Variants in ROCK1 observed in about 807,000 individuals in gnomAD.
ROCK1 encodes the protein Rho associated coiled-coil containing protein kinase 1.
A neutral mutation model predicts 196.8 loss-of-function variants in ROCK1; 36 were observed. The observed-to-expected ratio is 0.18, with a 90% CI of 0.14 to 0.24. The LOEUF is 0.24. Ranked by LOEUF, ROCK1 falls within the 10% of genes least tolerant of loss-of-function variation. The pLI is 1.00. For synonymous variants in ROCK1, 443 were observed against 515.9 expected (o/e 0.86, Z 1.91); for missense variants, 920 against 1,562.0 (o/e 0.59, Z 6.93).
chr18:20,967,145 T>C (rs2035381788), intron 26 of ROCK1, 69 bp from the exon 27 acceptor site: 2 of 1,099,892 alleles, frequency 1.8e-6, no homozygotes, highest in Non-Finnish European at 2.7e-6. Context: ...AATTGAAATA[T>C]GATAATTTAA....
rs1257863230 is a variant in ROCK1 at position 21,039,558 on chromosome 18, A to T, written c.965T>A (p.Val322Glu). 2 of 1,609,720 alleles carry T rather than the reference A, an allele frequency of 1.2e-6. No homozygotes were observed. The highest frequency in any genetic ancestry group is 3.3e-5 in the Admixed American group (2 of 59,956). The change falls in exon 9 of 33, where the codon GTG (valine) becomes GAG (glutamate). Residue 322 changes from valine (V) to glutamate (E), a missense_variant. Physicochemically the swap from Val to Glu is moderately radical, Grantham distance 121. Coordinates refer to ENST00000399799, the MANE Select transcript of ROCK1 (RefSeq NM_005406.3). ...LICAFLTDRE[V>E]RLGRNGVEEI... ...TTCTACACCATTTCGCCCTAACCTCACTTCCCTGAATAATGACAGAAGGAG... is the reference window on the plus strand; with the variant it reads ...TTCTACACCATTTCGCCCTAACCTCTCTTCCCTGAATAATGACAGAAGGAG...
chr18:20,980,677 G>T (rs1301624142), intron 21 of ROCK1, among the ~76,000 whole-genome samples: 2 of 152,116 alleles, frequency 1.3e-5, no homozygotes, highest in African/African-American at 4.8e-5. Context: ...AGCACTTTGG[G>T]AGGCCAAGGC....
intron 5 of ROCK1, among the ~76,000 whole-genome samples, chr18:21,044,601 G>A (rs933527800): frequency 6.6e-6 from 1 of 152,174 alleles, no homozygotes; most frequent in Admixed American, 6.5e-5. Flanking sequence ...TTCAAGCAGT[G>A]TTTGTACAAC....
chr18:21,049,710 T>C, intron 3 of ROCK1, 70 bp downstream of exon 3: 1 of 947,850 alleles, frequency 1.1e-6, no homozygotes. Flanking sequence ...TCCCAAATAA[T>C]ATGTTAAACA....
At chr18:21,100,596 A>G (rs115636220) in intron 1 of ROCK1, among the ~76,000 whole-genome samples, 1,532 of 152,226 alleles carry the variant, frequency 0.01, 20 homozygotes, top group African/African-American at 0.036. Context: ...TAAAAAAAAA[A>G]AAAAGACTGA....
chr18:21,037,481 C>T (rs1321608876), intron 9 of ROCK1, among the ~76,000 whole-genome samples: 1 of 151,910 alleles, frequency 6.6e-6, no homozygotes, highest in Non-Finnish European at 1.5e-5. Flanking sequence ...GAGGTCAGTT[C>T]AGAATAAAAG....
chr18:21,092,580 TAA>T (rs35799573), intron 1 of ROCK1, among the ~76,000 whole-genome samples: 25 of 81,092 alleles, frequency 3.1e-4, no homozygotes, highest in African/African-American at 5.7e-4. Flanking sequence ...ACCTCATCTT[TAA>T]AAAAAAAAAA....
intron 1 of ROCK1, among the ~76,000 whole-genome samples, chr18:21,076,961 C>CTTTTTTT (rs71178160): frequency 3.0e-5 from 2 of 65,966 alleles, no homozygotes; most frequent in African/African-American, 6.2e-5. Flanking sequence ...AAAGGACAGT[C>CTTTTTTT]TTTTTTTTTT....
chr18:20,952,669 G>C (rs2035201353), intron 32 of ROCK1, among the ~76,000 whole-genome samples: 1 of 151,496 alleles, frequency 6.6e-6, no homozygotes, highest in Admixed American at 6.6e-5. Flanking sequence ...CCGCTACTTG[G>C]GAGGCTGAGG....
At chr18:21,109,410 T>C (rs2036730456) in intron 1 of ROCK1, among the ~76,000 whole-genome samples, 1 of 152,080 alleles carries the variant, frequency 6.6e-6, no homozygotes, top group South Asian at 2.1e-4. Flanking sequence ...AAAAGCAAAA[T>C]AAAATCAAAA....
At chr18:20,973,988 T>C (rs1156954452) in intron 22 of ROCK1, among the ~76,000 whole-genome samples, 1 of 151,886 alleles carries the variant, frequency 6.6e-6, no homozygotes, top group Non-Finnish European at 1.5e-5. Flanking sequence ...GCCAGAATGG[T>C]CTCGATCTCC....
At chr18:21,082,391 CAG>C (rs1308776276) in intron 1 of ROCK1, among the ~76,000 whole-genome samples, 9 of 152,076 alleles carry the variant, frequency 5.9e-5, no homozygotes, top group Non-Finnish European at 1.0e-4. Context: ...AATTACATAT[CAG>C]AGTTTATGAA....
intron 13 of ROCK1, among the ~76,000 whole-genome samples, chr18:21,012,099 T>C (rs1020847834): frequency 7.2e-5 from 11 of 152,046 alleles, no homozygotes; most frequent in Non-Finnish European, 1.0e-4. Context: ...AAGTACACGC[T>C]ACCACACTTG....
chr18:21,065,961 GA>G (rs1203725486), intron 2 of ROCK1, among the ~76,000 whole-genome samples: 2 of 152,060 alleles, frequency 1.3e-5, no homozygotes, highest in Non-Finnish European at 2.9e-5. Context: ...AATTTAATAT[GA>G]CTTAAGCTGA....
rs1379000194 is a variant in ROCK1, at chr18:21,111,096, G to A, written c.-186C>T. 3 of 597,320 alleles carry A rather than the reference G, an allele frequency of 5.0e-6. No individual in the cohort carries two copies. The highest frequency in any genetic ancestry group is 3.7e-5 in the African/African-American group (2 of 53,578). The allele number at this position is 597,320 out of a possible 1,614,324, so 37.0% of individuals were successfully genotyped here. On this transcript the variant is annotated 5_prime_UTR_variant, in exon 1 of 33. Coordinates refer to ENST00000399799, the MANE Select transcript of ROCK1 (RefSeq NM_005406.3). This position sits in a 1 kb window ranked among gnomAD's most constrained non-coding sequence, Gnocchi z 4.2. The stretch of plus-strand genomic sequence containing the variant: ...CCTCCGCTCTCCAGACCCCGGGCCG[G>A]GGGCAACAGCGACCCACAGCCGCTC...
chr18:20,959,864 T>A lies in ROCK1; in HGVS notation c.3488A>T (p.Asn1163Ile). ...CTCTATGTCCAATACCATAGATGGA[T>A]TGGATTGCTCCTTATCTTGTTCGTC... The part of the protein sequence containing the change: ...YNDEQDKEQS[N>I]PSMVLDIDKL... Residue 1163 changes from asparagine to isoleucine, a missense_variant, in exon 29 of 33, where the codon AAT becomes ATT. By Grantham distance (149) the Asn-to-Ile change is moderately radical. Transcript: ENST00000399799. The A allele has an allele frequency of 2.5e-6, 4 of 1,610,192 alleles. No individual in the cohort carries two copies. The highest frequency in any genetic ancestry group is 3.4e-6 in the Non-Finnish European group (4 of 1,177,730).
chr18:21,053,778 A>G (rs957043324), intron 2 of ROCK1, among the ~76,000 whole-genome samples: 1 of 152,190 alleles, frequency 6.6e-6, no homozygotes, highest in African/African-American at 2.4e-5. Flanking sequence ...TCAAGGCTGC[A>G]GTGAGCTATG....
At chr18:20,960,074 C>A in intron 28 of ROCK1, 62 bp downstream of exon 28, 2 of 1,226,818 alleles carry the variant, frequency 1.6e-6, no homozygotes, top group Non-Finnish European at 2.4e-6. Context: ...AATATAAGTT[C>A]TATGCTCCAA....
In ROCK1 at chr18:20,991,321, C is replaced by A. The variant is rs770190015; in HGVS notation, c.1998G>T (p.Lys666Asn). ...QDMLNHSEKE[K>N]NNLEIDLNYK... ...AGTTTAAATCTATCTCTAAATTATT[C>A]TTTTCCTGTAAAATGGGAGTAGGAG... Residue 666 changes from lysine (K) to asparagine (N), a missense_variant, in exon 18 of 33, where the codon AAG (lysine) becomes AAT (asparagine). Physicochemically the swap from Lys to Asn is moderately conservative, Grantham distance 94. Around this residue, in one of 6 missense-constraint regions of ROCK1, gnomAD observed 520 missense variants for 657.1 expected, o/e 0.79. Coordinates refer to ENST00000399799, the MANE Select transcript of ROCK1 (RefSeq NM_005406.3). 6.3e-7 allele frequency: 1 copy of A among 1,588,198 alleles called. No individual in the cohort carries two copies. The highest frequency in any genetic ancestry group is 8.6e-7 in the Non-Finnish European group (1 of 1,163,150).
Sources: allele counts gnomAD v4.1 joint callset (sites outside exome capture counted in the v4.1 genomes callset), GRCh38; gene constraint gnomAD v4.1.1; regional missense constraint gnomAD v4.1.1; non-coding constraint Gnocchi (gnomAD v3.1); transcripts MANE v1.5; gene names NCBI Gene and HGNC (gene_info 2026-07-23, HGNC 2026-07-21).